Variants in DAB1 observed in about 807,000 individuals in gnomAD.
The protein encoded by DAB1 is DAB adaptor protein 1.
DAB1 carries 15 observed loss-of-function variants against 64.6 expected under a neutral mutation model. That is an observed-to-expected ratio of 0.23 (90% CI 0.16 to 0.36). The LOEUF (loss-of-function observed/expected upper bound fraction) is 0.36. DAB1 is among the 10% of genes least tolerant of loss of function. DAB1 has a pLI of 1.00. For synonymous variants in DAB1, 235 were observed against 251.9 expected, an observed-to-expected ratio of 0.93 and a Z score of 0.64; for missense variants, 596 against 706.7, an observed-to-expected ratio of 0.84 and a Z score of 1.78.
At chr1:57,054,734 T>G (rs1280419035) in intron 9 of DAB1, among the ~76,000 whole-genome samples, 2 of 152,122 alleles carry the variant, frequency 1.3e-5, no homozygotes, top group African/African-American at 2.4e-5. Context: ...TACCTTGGCC[T>G]CCCAAAGGGC....
intron 6 of DAB1, among the ~76,000 whole-genome samples, chr1:57,796,386 G>A (rs924586466): frequency 1.3e-5 from 2 of 152,000 alleles, no homozygotes; most frequent in Admixed American, 1.3e-4. Flanking sequence ...AATTAGCCAG[G>A]CATGGTGGCA....
In DAB1 at chr1:57,139,570, T is replaced by C. The variant is rs74961239; in HGVS notation, c.208-2929A>G. On this transcript the variant is annotated intron_variant, in intron 3 of 14. Transcript: ENST00000371236. ...GGAGACTCTCTCCTTCTGGTTTTAT[T>C]CCTTCTTCCTTTAGGTGAGAAGAGC... Among the ~76,000 whole-genome samples the C allele has an allele frequency of 9.5e-3, 1,441 of 152,292 alleles. 22 individuals are homozygous for C. Among genetic ancestry groups the C allele is most frequent in the African/African-American group, 0.03 (1,267 of 41,568 alleles).
chr1:57,155,671 G>T (rs1660145447), intron 2 of DAB1, among the ~76,000 whole-genome samples: 1 of 150,930 alleles, frequency 6.6e-6, no homozygotes, highest in African/African-American at 2.4e-5. Flanking sequence ...TCCACCCTAT[G>T]AACATGGAAT....
intron 1 of DAB1, among the ~76,000 whole-genome samples, chr1:57,363,133 A>T (rs1365251760): frequency 6.6e-6 from 1 of 152,202 alleles, no homozygotes; most frequent in East Asian, 1.9e-4. Context: ...ATTTCTTCAT[A>T]GGCAAATGGA....
chr1:57,766,155 C>T (rs1000357467), intron 6 of DAB1, among the ~76,000 whole-genome samples: 1 of 151,956 alleles, frequency 6.6e-6, no homozygotes, highest in African/African-American at 2.4e-5. Flanking sequence ...TTCACCACAG[C>T]TAATGCTACC....
chr1:58,040,556 T>C (rs1647119649), intron 5 of DAB1, among the ~76,000 whole-genome samples: 1 of 152,224 alleles, frequency 6.6e-6, no homozygotes, highest in Non-Finnish European at 1.5e-5. Flanking sequence ...AAAAATAAAA[T>C]GACTCCCAAC....
chr1:57,732,211 C>T (rs942946525), intron 6 of DAB1, among the ~76,000 whole-genome samples: 2 of 152,168 alleles, frequency 1.3e-5, no homozygotes, highest in Non-Finnish European at 2.9e-5. Flanking sequence ...TAGTTTTTGG[C>T]CCTCCATGGC....
intron 2 of DAB1, among the ~76,000 whole-genome samples, chr1:57,153,150 C>T (rs896017062): frequency 6.6e-6 from 1 of 152,060 alleles, no homozygotes; most frequent in African/African-American, 2.4e-5. Flanking sequence ...CTCAGCCACC[C>T]GAATCACTGG....
At chr1:58,495,816 A>G (rs1645791025) in intron 3 of DAB1, among the ~76,000 whole-genome samples, 2 of 152,206 alleles carry the variant, frequency 1.3e-5, no homozygotes, top group African/African-American at 4.8e-5. Flanking sequence ...AGCAAGAAGT[A>G]TAAGAACTTA....
chr1:57,286,822 T>C (rs999364014), intron 2 of DAB1, among the ~76,000 whole-genome samples: 3 of 152,144 alleles, frequency 2.0e-5, no homozygotes, highest in Non-Finnish European at 4.4e-5. Context: ...AAACCATTCC[T>C]TAACCTAACG....
chr1:57,525,935 A>T (rs1436546976), intron 7 of DAB1, among the ~76,000 whole-genome samples: 3 of 145,648 alleles, frequency 2.1e-5, no homozygotes, highest in Admixed American at 6.9e-5. Flanking sequence ...TTTAAATAGC[A>T]TTTCTTTTTT....
chr1:58,356,603 T>G (rs1644113975), intron 3 of DAB1, among the ~76,000 whole-genome samples: 1 of 152,046 alleles, frequency 6.6e-6, no homozygotes, highest in South Asian at 2.1e-4. Flanking sequence ...AGAGAATAGC[T>G]CATACAGAGG....
rs533683882 is a variant in DAB1, at chr1:58,159,405, G to A, written n.310-8817C>T. 3.3e-4 allele frequency among the ~76,000 whole-genome samples: 50 copies of A among 152,260 alleles called. No homozygotes were observed. In the South Asian group the frequency reaches 9.9e-3, roughly 30 times the overall value. ...AACATACTATGTTATTCCTATATAT[G>A]AGGCCCAAGAACAGGCAAAACAAAT... is the stretch of plus-strand genomic sequence containing the variant. On this transcript the variant is annotated intron_variant and non_coding_transcript_variant, in intron 4 of 20. Coordinates refer to the DAB1 transcript ENST00000485760.
At chr1:58,462,209 C>G (rs1243665636) in intron 3 of DAB1, among the ~76,000 whole-genome samples, 1 of 149,722 alleles carries the variant, frequency 6.7e-6, no homozygotes, top group Non-Finnish European at 1.5e-5. Flanking sequence ...TCACTGCAAG[C>G]TCCGCTTCCC....
chr1:57,524,893 G>T (rs1054342731), intron 7 of DAB1, among the ~76,000 whole-genome samples: 1 of 152,112 alleles, frequency 6.6e-6, no homozygotes, highest in African/African-American at 2.4e-5. Flanking sequence ...AAACAAAAAT[G>T]AACCAACCAA....
chr1:57,800,625 C>T (rs1161441779), intron 6 of DAB1, among the ~76,000 whole-genome samples: 2 of 152,112 alleles, frequency 1.3e-5, no homozygotes, highest in South Asian at 2.1e-4. Context: ...AATTTGTCAC[C>T]AGAAGGTAAT....
At chr1:58,535,469 G>A (rs890497210) in intron 1 of DAB1, among the ~76,000 whole-genome samples, 2 of 151,832 alleles carry the variant, frequency 1.3e-5, no homozygotes, top group East Asian at 1.9e-4. Context: ...GGTGGCGCAC[G>A]CCTGTAGTCC....
chr1:58,293,547 A>G (rs1661897721), intron 4 of DAB1, among the ~76,000 whole-genome samples: 1 of 152,188 alleles, frequency 6.6e-6, no homozygotes, highest in African/African-American at 2.4e-5. Context: ...GCTGAATTGC[A>G]TCATCTTTTT....
At chr1:58,447,873 G>A (rs1454294831) in intron 3 of DAB1, among the ~76,000 whole-genome samples, 3 of 141,344 alleles carry the variant, frequency 2.1e-5, no homozygotes, top group African/African-American at 8.2e-5. Context: ...AAAAAAAAAA[G>A]TCTTATGCAA....
Sources: allele counts gnomAD v4.1 joint callset (sites outside exome capture counted in the v4.1 genomes callset), GRCh38; gene constraint gnomAD v4.1.1; transcripts MANE v1.5; gene names NCBI Gene and HGNC (gene_info 2026-07-23, HGNC 2026-07-21).